The following BACE2 variants were observed in gnomAD, a reference collection of about 807,000 sequenced individuals.
BACE2 encodes 56 kDa aspartic-like protease.
In BACE2, 17 loss-of-function variants were observed where a neutral mutation model predicts 46.2. The observed-to-expected ratio is 0.37, with a 90% confidence interval of 0.25 to 0.55. BACE2 has a LOEUF of 0.55. BACE2 is among the 20% of genes least tolerant of loss of function. BACE2 has a pLI of 0.82. For missense variants in BACE2, 595 were observed against 698.1 expected, an observed-to-expected ratio of 0.85 and a Z score of 1.66; for synonymous variants, 277 against 295.9, an observed-to-expected ratio of 0.94 and a Z score of 0.66.
intron 1 of BACE2, chr21:41,179,275 G>A: frequency 1.5e-6 from 2 of 1,303,466 alleles, no homozygotes; most frequent in Non-Finnish European, 2.0e-6. Context: ...GGTGAGGAGT[G>A]AGGGAGTCCA....
intron 8 of BACE2, among the ~76,000 whole-genome samples, chr21:41,260,890 A>AT (rs200732029): frequency 3.8e-4 from 57 of 151,172 alleles, no homozygotes; most frequent in Non-Finnish European, 5.3e-4. Flanking sequence ...TGTTTGGTTT[A>AT]TTTTTTTTTA....
chr21:41,247,942 G>C (rs1026010935), intron 6 of BACE2, among the ~76,000 whole-genome samples: 1 of 152,160 alleles, frequency 6.6e-6, no homozygotes, highest in African/African-American at 2.4e-5. Flanking sequence ...ACCTCTTGGC[G>C]TGGGTTTCCT....
intron 7 of BACE2, among the ~76,000 whole-genome samples, chr21:41,253,341 C>T (rs2123622109): frequency 6.6e-6 from 1 of 150,744 alleles, no homozygotes; most frequent in African/African-American, 2.4e-5. Flanking sequence ...ACCTGGGAGG[C>T]TAAGGCAGGA....
intron 1 of BACE2, among the ~76,000 whole-genome samples, chr21:41,217,435 C>G (rs1986506803): frequency 6.6e-6 from 1 of 152,044 alleles, no homozygotes; most frequent in South Asian, 2.1e-4. Flanking sequence ...CTCTTTACCC[C>G]CCTCCTTTCC....
At chr21:41,175,134 G>C (rs1400982760) in intron 1 of BACE2, 1 of 152,174 alleles carries the variant, frequency 6.6e-6, no homozygotes, top group Non-Finnish European at 1.5e-5. Context: ...CAAAAGAAGA[G>C]AGAATACTCT....
At chr21:41,253,071 G>T (rs569724051) in intron 7 of BACE2, among the ~76,000 whole-genome samples, 3 of 152,352 alleles carry the variant, frequency 2.0e-5, no homozygotes, top group Non-Finnish European at 2.9e-5. Context: ...GAAGAATGCA[G>T]TATCCTTGGA....
chr21:41,223,242 G>A lies in BACE2; in HGVS notation c.313-3024G>A, dbSNP rs144054909. Among the ~76,000 whole-genome samples, 475 of 152,106 alleles carry A rather than the reference G, an allele frequency of 3.1e-3. 3 individuals carry two copies. The highest frequency in any genetic ancestry group is 9.8e-3 in the African/African-American group (408 of 41,490). On this transcript the variant is annotated intron_variant, in intron 1 of 8. Transcript: ENST00000330333. ...ATGGTGGTGCACGCCTGTGGTCCCA[G>A]CTACTTTGGAGGCTGAGGTGAGAGG...
intron 1 of BACE2, among the ~76,000 whole-genome samples, chr21:41,200,548 C>A (rs78674434): frequency 6.6e-6 from 1 of 152,136 alleles, no homozygotes; most frequent in Non-Finnish European, 1.5e-5. Context: ...GCTAGCCCGG[C>A]CCCCTGTGAT....
intron 2 of BACE2, among the ~76,000 whole-genome samples, chr21:41,236,950 G>T (rs577262352): frequency 6.6e-6 from 1 of 152,196 alleles, no homozygotes; most frequent in Non-Finnish European, 1.5e-5. Flanking sequence ...ACACCAGTGC[G>T]TCCCTTCCAC....
intron 6 of BACE2, among the ~76,000 whole-genome samples, chr21:41,249,242 C>T (rs576992460): frequency 6.8e-3 from 244 of 36,010 alleles, no homozygotes; most frequent in Middle Eastern, 0.026. Flanking sequence ...GATTAGTGAG[C>T]CCCCACATGT....
chr21:41,168,690 C>G (rs1984472617), intron 1 of BACE2, 115 bp downstream of exon 1: 1 of 765,684 alleles, frequency 1.3e-6, no homozygotes, highest in Non-Finnish European at 1.8e-6. Context: ...TGTCCCCGCA[C>G]AGAAGAGCGG....
Position 41,257,155 on chromosome 21 carries a change from C to G in BACE2, c.1135-3C>G. On this transcript the variant is annotated splice_polypyrimidine_tract_variant and splice_region_variant and intron_variant, in intron 7 of 8. Transcript: ENST00000330333. ...TGTTTGCTCTCTCCTCTCCGACAAA[C>G]AGCTTTACATTCAGCCCATGATGGG... 6.2e-7 allele frequency: 1 copy of G among 1,614,168 alleles called. No homozygotes were observed. The highest frequency in any genetic ancestry group is 2.2e-5 in the East Asian group (1 of 44,884).
chr21:41,168,276 G>A lies in BACE2; in HGVS notation c.13G>A (p.Ala5Thr), dbSNP rs1244993055. 4.1e-6 allele frequency: 5 copies of A among 1,228,906 alleles called. No homozygotes were observed. Among genetic ancestry groups the A allele is most frequent in the Non-Finnish European group, 5.1e-6 (5 of 987,460 alleles). 76.1% of individuals were successfully genotyped at this position (1,228,906 alleles called of 1,614,324 possible). The change falls in exon 1 of 9, where the codon GCC (alanine) becomes ACC (threonine). Residue 5 changes from alanine to threonine, a missense_variant. Ala to Thr is a moderately conservative substitution (Grantham distance 58). This residue lies in a region of BACE2 where 248 missense variants were observed against 261.4 expected (regional missense o/e 0.95). Transcript: ENST00000330333. Reference protein sequence around the residue: MGALARALLLPLLAQ... With the variant: MGALTRALLLPLLAQ... ...CCCCGCCGTGGGCATGGGCGCACTG[G>A]CCCGGGCGCTGCTGCTGCCTCTGCT...
chr21:41,192,621 G>A (rs1601253845), intron 1 of BACE2, among the ~76,000 whole-genome samples: 1 of 152,126 alleles, frequency 6.6e-6, no homozygotes, highest in South Asian at 2.1e-4. Context: ...ACCTATGGAG[G>A]CCTGCCAACA....
intron 2 of BACE2, among the ~76,000 whole-genome samples, chr21:41,236,832 T>C (rs1987134284): frequency 6.6e-6 from 1 of 152,198 alleles, no homozygotes; most frequent in Non-Finnish European, 1.5e-5. Flanking sequence ...AGGTGCCAGA[T>C]TGGGTTGTGT....
intron 1 of BACE2, among the ~76,000 whole-genome samples, chr21:41,213,307 C>T (rs1443472246): frequency 6.6e-6 from 1 of 152,200 alleles, no homozygotes; most frequent in Non-Finnish European, 1.5e-5. Context: ...ATCAGAGCTG[C>T]AGCTGGGAGG....
At chr21:41,226,503 T>C (rs1986823145) in intron 2 of BACE2, 149 bp downstream of exon 2, 1 of 648,610 alleles carries the variant, frequency 1.5e-6, no homozygotes, top group Non-Finnish European at 2.7e-6. Flanking sequence ...CATGTGGACA[T>C]GTGTATGCAT....
chr21:41,245,837 C>T (rs1987449433), intron 5 of BACE2, 125 bp from the exon 6 acceptor site: 1 of 659,820 alleles, frequency 1.5e-6, no homozygotes, highest in South Asian at 1.9e-5. Context: ...CTACACAGTC[C>T]ATGATGACTG....
At chr21:41,219,272 G>A (rs993592469) in intron 1 of BACE2, among the ~76,000 whole-genome samples, 7 of 152,256 alleles carry the variant, frequency 4.6e-5, no homozygotes, top group Non-Finnish European at 8.8e-5. Context: ...TAAAGAAAAT[G>A]ACTAGAATAA....
Sources: allele counts gnomAD v4.1 joint callset (sites outside exome capture counted in the v4.1 genomes callset), GRCh38; gene constraint gnomAD v4.1.1; regional missense constraint gnomAD v4.1.1; transcripts MANE v1.5; gene names NCBI Gene and HGNC (gene_info 2026-07-23, HGNC 2026-07-21).